Variants in COG4 observed in about 807,000 individuals in gnomAD.
COG4 encodes the protein conserved oligomeric Golgi complex subunit 4.
A neutral mutation model predicts 95.1 loss-of-function variants in COG4; 65 were observed. The ratio of observed to expected loss-of-function variants is 0.68; its 90% CI spans 0.56 to 0.84. The LOEUF (loss-of-function observed/expected upper bound fraction) is 0.84, where lower values mean the gene tolerates loss of function less well. Ranked by LOEUF, COG4 falls within the 40% of genes least tolerant of loss-of-function variation. The pLI, the probability that COG4 is intolerant of heterozygous loss-of-function variation, is 0.00. For missense variants in COG4, 1,045 were observed against 989.1 expected, an observed-to-expected ratio of 1.06 and a Z score of -0.76; for synonymous variants, 421 against 374.8, an observed-to-expected ratio of 1.12 and a Z score of -1.42.
chr16:70,480,711 A>G lies in COG4; in HGVS notation c.*299T>C, dbSNP rs1178250148. On this transcript the variant is annotated 3_prime_UTR_variant, in exon 19 of 19. Coordinates refer to ENST00000323786, the MANE Select transcript of COG4 (RefSeq NM_015386.3). The stretch of plus-strand genomic sequence containing the variant: ...TTGTTTGCTGTAGTGTTTGAGGGCA[A>G]GAGACTGACCATCCATGCAGAAAGC... The G allele has an allele frequency of 1.1e-5, 5 of 449,136 alleles. No homozygotes were observed. The East Asian group carries it at 1.8e-4, about 16-fold the overall frequency. The allele number at this position is 449,136 out of a possible 1,614,324, so 27.8% of individuals were successfully genotyped here. A position where few individuals can be genotyped will look rare whatever the true frequency, so the allele number is the denominator to read the frequency against.
intron 12 of COG4, among the ~76,000 whole-genome samples, chr16:70,494,095 T>C (rs2049295335): frequency 6.6e-6 from 1 of 152,186 alleles, no homozygotes; most frequent in Admixed American, 6.6e-5. Flanking sequence ...GCCACTCTGA[T>C]TGTGGACAGA....
intron 13 of COG4, among the ~76,000 whole-genome samples, chr16:70,490,002 G>C (rs2049211977): frequency 6.6e-6 from 1 of 152,064 alleles, no homozygotes; most frequent in Non-Finnish European, 1.5e-5. Context: ...ATTTTTAGTA[G>C]AGATGGGGTT....
intron 12 of COG4, among the ~76,000 whole-genome samples, chr16:70,495,988 G>A (rs2049332131): frequency 6.6e-6 from 1 of 152,214 alleles, no homozygotes; most frequent in Admixed American, 6.5e-5. Context: ...GCACTCAGTG[G>A]GCTCCTGAGC....
chr16:70,511,802 T>C (rs932535076), intron 5 of COG4, among the ~76,000 whole-genome samples: 3 of 151,954 alleles, frequency 2.0e-5, no homozygotes, highest in African/African-American at 7.3e-5. Context: ...CGTGGTAGCA[T>C]ATGCCTGTAA....
At chr16:70,521,699 ATTT>A (rs566000095) in intron 1 of COG4, among the ~76,000 whole-genome samples, 11 of 133,834 alleles carry the variant, frequency 8.2e-5, no homozygotes, top group African/African-American at 1.5e-4. Context: ...AAGATACTAA[ATTT>A]TTTTTTTTTT....
intron 1 of COG4, among the ~76,000 whole-genome samples, 181 bp from the exon 2 acceptor site, chr16:70,519,912 C>T (rs1197447402): frequency 6.6e-6 from 1 of 152,158 alleles, no homozygotes; most frequent in Admixed American, 6.5e-5. Flanking sequence ...TGTTATCTTA[C>T]GTATATCTTA....
chr16:70,483,674 G>A (rs567255871), intron 14 of COG4, among the ~76,000 whole-genome samples, 179 bp downstream of exon 14: 2 of 152,256 alleles, frequency 1.3e-5, no homozygotes, highest in South Asian at 2.1e-4. Flanking sequence ...CAACTTCACT[G>A]CTGAGAAACC....
chr16:70,483,690 G>T (rs1001241170), intron 14 of COG4, among the ~76,000 whole-genome samples, 163 bp downstream of exon 14: 1 of 152,114 alleles, frequency 6.6e-6, no homozygotes, highest in African/African-American at 2.4e-5. Context: ...AAACCAACAG[G>T]GCCTTTAGTC....
chr16:70,498,130 G>A (rs2049378170), intron 9 of COG4, 75 bp from the exon 10 acceptor site: 2 of 881,100 alleles, frequency 2.3e-6, no homozygotes, highest in Non-Finnish European at 3.9e-6. Context: ...CATTTTTTCA[G>A]GTTCCTTTAT....
chr16:70,481,956 C>G, intron 16 of COG4, 91 bp from the exon 17 acceptor site: 1 of 1,376,088 alleles, frequency 7.3e-7, no homozygotes, highest in Non-Finnish European at 1.0e-6. Context: ...TAGCGTGAGG[C>G]CACGGGGGAG....
Position 70,519,284 on chromosome 16 carries a change from C to T in COG4, c.254+365G>A, listed in dbSNP as rs1156524021. On this transcript the variant is annotated intron_variant, in intron 2 of 18. Transcript: ENST00000323786. ...CTGGGACTACAGGCGCCCGCCACCG[C>T]GCCCGGCTAATTTTTTGTATTTTTA... is the stretch of plus-strand genomic sequence containing the variant. Among the ~76,000 whole-genome samples, 6 of 89,232 alleles carry T rather than the reference C, an allele frequency of 6.7e-5. 2 individuals carry two copies. The highest frequency in any genetic ancestry group is 9.0e-4 in the South Asian group (2 of 2,234). 58.5% of individuals were successfully genotyped at this position (89,232 alleles called of 152,430 possible).
chr16:70,490,452 A>C, intron 12 of COG4, 60 bp from the exon 13 acceptor site: 3 of 1,357,762 alleles, frequency 2.2e-6, no homozygotes, highest in Non-Finnish European at 2.1e-6. Context: ...ACCCACTCCA[A>C]TGCCAGACTG....
intron 1 of COG4, among the ~76,000 whole-genome samples, chr16:70,522,016 A>C (rs905373002): frequency 7.1e-6 from 1 of 141,494 alleles, no homozygotes; most frequent in African/African-American, 2.7e-5. Flanking sequence ...TTTTTTTAAG[A>C]GACACAATTT....
intron 9 of COG4, 46 bp from the exon 10 acceptor site, chr16:70,498,101 G>A (rs1487623464): frequency 1.7e-6 from 2 of 1,206,824 alleles, no homozygotes; most frequent in Non-Finnish European, 2.5e-6. Context: ...TTCCCCAAGG[G>A]AAACAGAGCA....
At chr16:70,509,474 T>A in intron 6 of COG4, 86 bp from the exon 7 acceptor site, 1 of 1,468,808 alleles carries the variant, frequency 6.8e-7, no homozygotes, top group Non-Finnish European at 9.5e-7. Context: ...ACCGAAGGTC[T>A]AGCTCAATCC....
intron 8 of COG4, among the ~76,000 whole-genome samples, chr16:70,504,214 C>T (rs977914891): frequency 6.6e-6 from 1 of 152,168 alleles, no homozygotes; most frequent in African/African-American, 2.4e-5. Flanking sequence ...CATTCCCCTA[C>T]CCATACCCCC....
chr16:70,523,219 G>T, intron 1 of COG4, 154 bp downstream of exon 1: 1 of 862,528 alleles, frequency 1.2e-6, no homozygotes, highest in South Asian at 1.4e-5. Context: ...AGAGTTGACA[G>T]GACTACTCAT....
intron 13 of COG4, among the ~76,000 whole-genome samples, chr16:70,485,281 G>A (rs544581298): frequency 3.5e-4 from 52 of 148,906 alleles, no homozygotes; most frequent in African/African-American, 1.0e-3. Flanking sequence ...TCGGCTCACT[G>A]CAACCTCCGC....
intron 12 of COG4, among the ~76,000 whole-genome samples, chr16:70,494,332 T>G (rs1012550623): frequency 6.6e-6 from 1 of 152,220 alleles, no homozygotes; most frequent in African/African-American, 2.4e-5. Context: ...GTGGATTCAC[T>G]GGGTTTATTC....
Sources: allele counts gnomAD v4.1 joint callset (sites outside exome capture counted in the v4.1 genomes callset), GRCh38; gene constraint gnomAD v4.1.1; transcripts MANE v1.5; gene names NCBI Gene and HGNC (gene_info 2026-07-23, HGNC 2026-07-21).